Variants in KIRREL3 observed in about 807,000 individuals in gnomAD.
KIRREL3 encodes kin of IRRE-like protein 3.
KIRREL3 carries 36 observed loss-of-function variants against 89.7 expected under a neutral mutation model. That is an observed-to-expected ratio of 0.40 (90% CI 0.31 to 0.53). KIRREL3 has a LOEUF of 0.53. Ranked by LOEUF, KIRREL3 falls within the 20% of genes least tolerant of loss-of-function variation. KIRREL3 has a pLI of 0.49. For missense variants in KIRREL3, 864 were observed against 1,056.6 expected (o/e 0.82, Z 2.53); for synonymous variants, 445 against 441.4 (o/e 1.01, Z -0.10).
chr11:126,770,699 T>C (rs910248824), intron 1 of KIRREL3, among the ~76,000 whole-genome samples: 4 of 152,180 alleles, frequency 2.6e-5, no homozygotes, highest in African/African-American at 4.8e-5. Context: ...TCCTCAAAGA[T>C]GGCATTTGAA....
At chr11:126,542,775 A>G (rs1938470679) in intron 2 of KIRREL3, among the ~76,000 whole-genome samples, 1 of 152,238 alleles carries the variant, frequency 6.6e-6, no homozygotes, top group African/African-American at 2.4e-5. Context: ...TTAACAGAGG[A>G]CTTCATTAAG....
At chr11:126,790,820 A>C (rs1455885892) in intron 1 of KIRREL3, among the ~76,000 whole-genome samples, 2 of 152,094 alleles carry the variant, frequency 1.3e-5, no homozygotes, top group African/African-American at 4.8e-5. Context: ...CTCTTCCCCC[A>C]TCTCTGTCCT....
chr11:126,439,766 C>T (rs542107029), intron 11 of KIRREL3, among the ~76,000 whole-genome samples: 9 of 151,662 alleles, frequency 5.9e-5, no homozygotes, highest in South Asian at 4.2e-4. Context: ...TGCAGTGAGC[C>T]GAGATTGTGT....
At chr11:126,547,699 G>T (rs144677655) in intron 2 of KIRREL3, among the ~76,000 whole-genome samples, 1 of 152,226 alleles carries the variant, frequency 6.6e-6, no homozygotes, top group African/African-American at 2.4e-5. Context: ...GAGTGGCGGA[G>T]TGGGGGGTCT....
rs1943031120 is a variant in KIRREL3, at chr11:126,609,462, A to G, written c.56-46550T>C. On this transcript the variant is annotated intron_variant, in intron 1 of 16. Coordinates refer to ENST00000525144, the MANE Select transcript of KIRREL3 (RefSeq NM_032531.4). The surrounding 1 kb of genome is among the most constrained non-coding windows in gnomAD (Gnocchi z 5.0). ...CATGTATGAGGACGGTCTCCTTTGC[A>G]GCCTACCTGAAGTGAATGTGAGGCC... Among the ~76,000 whole-genome samples the G allele has an allele frequency of 6.6e-6, 1 of 152,080 alleles. No homozygotes were observed. The highest frequency in any genetic ancestry group is 2.4e-5 in the African/African-American group (1 of 41,382).
chr11:126,647,331 G>A lies in KIRREL3; in HGVS notation c.56-84419C>T, dbSNP rs1179556478. Among the ~76,000 whole-genome samples, 2 of 152,130 alleles carry A rather than the reference G, an allele frequency of 1.3e-5. No homozygotes were observed. The highest frequency in any genetic ancestry group is 2.9e-5 in the Non-Finnish European group (2 of 68,028). On this transcript the variant is annotated intron_variant, in intron 1 of 16. Coordinates refer to ENST00000525144, the MANE Select transcript of KIRREL3 (RefSeq NM_032531.4). This position sits in a 1 kb window ranked among gnomAD's most constrained non-coding sequence, Gnocchi z 4.9. Reference sequence around the variant, plus strand: ...CGTTTTAATTAACTTGTCTATTCACGCATCCAACAAATATTTAATGAGTTT... The same window carrying A: ...CGTTTTAATTAACTTGTCTATTCACACATCCAACAAATATTTAATGAGTTT...
chr11:126,737,157 G>T (rs1194276941), intron 1 of KIRREL3, among the ~76,000 whole-genome samples: 5 of 152,204 alleles, frequency 3.3e-5, no homozygotes, highest in Admixed American at 3.3e-4. Flanking sequence ...TGTGTCCCCT[G>T]ATTGGAGGCC....
At chr11:126,815,348 C>T (rs557668998) in intron 1 of KIRREL3, among the ~76,000 whole-genome samples, 1 of 152,266 alleles carries the variant, frequency 6.6e-6, no homozygotes, top group African/African-American at 2.4e-5. Context: ...TCTTAGCTCT[C>T]ACTTCTCCCA....
rs181787546 is a variant in KIRREL3, at chr11:126,476,645, A to T, written c.434-3179T>A. Among the ~76,000 whole-genome samples the T allele has an allele frequency of 8.7e-6, 1 of 115,184 alleles. No individual in the cohort carries two copies. The highest frequency in any genetic ancestry group is 1.7e-5 in the Non-Finnish European group (1 of 59,256). 75.6% of individuals were successfully genotyped at this position (115,184 alleles called of 152,430 possible). A position where few individuals can be genotyped will look rare whatever the true frequency, so the allele number is the denominator to read the frequency against. ...TTGATTGGTCTTCGCTTCACTGCAC[A>T]CCAGATGGGGGTGGGGGCTGGGGGG... On this transcript the variant is annotated intron_variant, in intron 4 of 16. Coordinates refer to ENST00000525144, the MANE Select transcript of KIRREL3 (RefSeq NM_032531.4). The surrounding 1 kb of genome is among the most constrained non-coding windows in gnomAD (Gnocchi z 6.4).
rs1331819080 is a variant in KIRREL3, at chr11:126,782,192, C to T, written c.55+218263G>A. 3.3e-5 allele frequency among the ~76,000 whole-genome samples: 5 copies of T among 152,146 alleles called. No individual in the cohort carries two copies. Among genetic ancestry groups the T allele is most frequent in the Non-Finnish European group, 7.3e-5 (5 of 68,034 alleles). ...CTGTGTGATCTTTCAGCCCCTCTTC[C>T]CTCCCGTCCCTACTCTAGAGGCCAC... is the stretch of plus-strand genomic sequence containing the variant. On this transcript the variant is annotated intron_variant, in intron 1 of 16. Coordinates refer to ENST00000525144, the MANE Select transcript of KIRREL3 (RefSeq NM_032531.4). The surrounding 1 kb of genome is among the most constrained non-coding windows in gnomAD (Gnocchi z 4.1).
chr11:126,576,364 C>CTCAT lies in KIRREL3; in HGVS notation c.56-13456_56-13453dup, dbSNP rs10648961. The stretch of plus-strand genomic sequence containing the variant: ...TTTATTCTAATTTCATTCATTCATT[C>CTCAT]TCATTCATTCATTCATTCATTCAAG... On this transcript the variant is annotated intron_variant, in intron 1 of 16. Transcript: ENST00000525144. This position sits in a 1 kb window ranked among gnomAD's most constrained non-coding sequence, Gnocchi z 5.4. Among the ~76,000 whole-genome samples, 5,987 of 152,142 alleles carry CTCAT rather than the reference C, an allele frequency of 0.039. 163 individuals carry two copies. The highest frequency in any genetic ancestry group is 0.082 in the Middle Eastern group (24 of 294).
chr11:126,456,576 C>G (rs1956352275), intron 6 of KIRREL3, 122 bp from the exon 7 acceptor site: 1 of 658,942 alleles, frequency 1.5e-6, no homozygotes, highest in African/African-American at 1.8e-5. Context: ...AGCCCCCGCC[C>G]TGGTGGTCTT....
At position 126,491,949 on chromosome 11, in the gene KIRREL3, G is replaced by A. The variant is rs756591806; in HGVS notation, c.434-18483C>T. 7.2e-5 allele frequency among the ~76,000 whole-genome samples: 11 copies of A among 152,090 alleles called. No homozygotes were observed. Among genetic ancestry groups the A allele is most frequent in the South Asian group, 2.1e-4 (1 of 4,820 alleles). ...ACTCCAGACCTCAAGTGATCCTCCCGCATCAGCTTCCCAAAGTGCTAGGAT... is the reference window on the plus strand; with the variant it reads ...ACTCCAGACCTCAAGTGATCCTCCCACATCAGCTTCCCAAAGTGCTAGGAT... On this transcript the variant is annotated intron_variant, in intron 4 of 16. Transcript: ENST00000525144. This position sits in a 1 kb window ranked among gnomAD's most constrained non-coding sequence, Gnocchi z 5.5.
chr11:126,467,541 G>A (rs12799513), intron 5 of KIRREL3, among the ~76,000 whole-genome samples: 19,828 of 152,134 alleles, frequency 0.13, 1,425 homozygotes, highest in Non-Finnish European at 0.16. Context: ...CAGGCAAACC[G>A]TCTGGAAAGG....
chr11:126,628,148 C>T lies in KIRREL3; in HGVS notation c.56-65236G>A, dbSNP rs1342165394. ...AAGTCTTTGCTCAGACAAGACTGGT[C>T]CCTCTGAACACACTTCGCCCACCCC... On this transcript the variant is annotated intron_variant, in intron 1 of 16. Coordinates refer to ENST00000525144, the MANE Select transcript of KIRREL3 (RefSeq NM_032531.4). The surrounding 1 kb of genome is among the most constrained non-coding windows in gnomAD (Gnocchi z 5.2). Among the ~76,000 whole-genome samples, 1 of 152,214 alleles carries T rather than the reference C, an allele frequency of 6.6e-6. No homozygotes were observed. Among genetic ancestry groups the T allele is most frequent in the African/African-American group, 2.4e-5 (1 of 41,450 alleles).
At chr11:126,984,344 C>A (rs1949797222) in intron 1 of KIRREL3, among the ~76,000 whole-genome samples, 1 of 152,176 alleles carries the variant, frequency 6.6e-6, no homozygotes, top group Non-Finnish European at 1.5e-5. Flanking sequence ...GCCTGTCTAG[C>A]CTCTGCTCTA....
rs1940464380 is a variant in KIRREL3 at position 126,565,667 on chromosome 11, T to A, written c.56-2755A>T. Among the ~76,000 whole-genome samples the A allele has an allele frequency of 6.6e-6, 1 of 152,066 alleles. No individual in the cohort carries two copies. Among genetic ancestry groups the A allele is most frequent in the African/African-American group, 2.4e-5 (1 of 41,398 alleles). On this transcript the variant is annotated intron_variant, in intron 1 of 16. Coordinates refer to ENST00000525144, the MANE Select transcript of KIRREL3 (RefSeq NM_032531.4). The surrounding 1 kb of genome is among the most constrained non-coding windows in gnomAD (Gnocchi z 5.4). ...TGAGAATTAGTTAATTGTCCATATA[T>A]GAAAATTTGGGATGTCCTTTGGAGA...
At position 126,807,667 on chromosome 11, in the gene KIRREL3, T is replaced by C. The variant is rs1951246133; in HGVS notation, c.55+192788A>G. On this transcript the variant is annotated intron_variant, in intron 1 of 16. Coordinates refer to ENST00000525144, the MANE Select transcript of KIRREL3 (RefSeq NM_032531.4). The surrounding 1 kb of genome is among the most constrained non-coding windows in gnomAD (Gnocchi z 4.3). ...TCACAGTTCCTGCCTGGAGTGCTTT[T>C]CCCCTTACCATTCACCTGGATTTTG... 6.6e-6 allele frequency among the ~76,000 whole-genome samples: 1 copy of C among 152,122 alleles called. No individual in the cohort carries two copies. The highest frequency in any genetic ancestry group is 1.5e-5 in the Non-Finnish European group (1 of 68,024).
intron 1 of KIRREL3, among the ~76,000 whole-genome samples, chr11:126,654,931 C>T (rs1174757464): frequency 6.6e-6 from 1 of 152,186 alleles, no homozygotes; most frequent in African/African-American, 2.4e-5. Flanking sequence ...TTCATTCACC[C>T]CAGAGGCCGC....
Sources: gnomAD v4.1 joint callset for allele counts (sites outside exome capture counted in the v4.1 genomes callset) on GRCh38, gnomAD v4.1.1 for gene constraint, Gnocchi (gnomAD v3.1) non-coding constraint, MANE v1.5 for transcripts, NCBI Gene and HGNC (gene_info 2026-07-23, HGNC 2026-07-21) for gene names.